Variants in HCN1 observed in about 807,000 individuals in gnomAD.
The protein encoded by HCN1 is hyperpolarization activated cyclic nucleotide gated potassium channel 1.
Under a neutral mutation model 78.9 loss-of-function variants are expected in HCN1, and 13 were observed. The ratio of observed to expected loss-of-function variants is 0.16; its 90% CI spans 0.11 to 0.26. The LOEUF is 0.26. Among genes scored for constraint, HCN1 ranks in the 10% least tolerant of loss-of-function variants. The probability of loss-of-function intolerance (pLI) is 1.00; values close to 1 mark genes in which losing one functional copy is unlikely to be tolerated. For synonymous variants in HCN1, 552 were observed against 455.5 expected (o/e 1.21, Z -2.70); for missense variants, 810 against 1,154.3 (o/e 0.70, Z 4.32).
chr5:45,373,270 ATATATTT>A lies in HCN1; in HGVS notation c.1231-20031_1231-20025del, dbSNP rs554131891. On this transcript the variant is annotated intron_variant, in intron 4 of 7. Coordinates refer to ENST00000303230, the MANE Select transcript of HCN1 (RefSeq NM_021072.4). ...ATATATATTTTATATTATATATTAT[ATATATTT>A]TATATTATATATTATATATATTTTA... 9.2e-3 allele frequency among the ~76,000 whole-genome samples: 1,068 copies of A among 116,254 alleles called. 17 individuals carry two copies. The highest frequency in any genetic ancestry group is 0.035 in the African/African-American group (1,016 of 29,444). The allele number at this position is 116,254 out of a possible 152,430, so 76.3% of individuals were successfully genotyped here.
intron 2 of HCN1, among the ~76,000 whole-genome samples, chr5:45,489,390 A>G (rs561208184): frequency 9.2e-5 from 14 of 152,150 alleles, no homozygotes; most frequent in Non-Finnish European, 1.9e-4. Flanking sequence ...GAATCCCTGA[A>G]GCAATTTAAC....
Position 45,461,930 on chromosome 5 carries a change from G to A in HCN1, c.927C>T (p.Cys309=). ...AGAACTGAAGACAACCATCCCAGTG[G>A]CACAGGAGCAGCATCATGCCGATGA... ...FNLIGMMLLL[C]HWDGCLQFLV... The change falls in exon 3 of 8, where the codon TGC becomes TGT. Residue 309 remains cysteine (C), a synonymous_variant. Coordinates refer to ENST00000303230, the MANE Select transcript of HCN1 (RefSeq NM_021072.4). 6.2e-7 allele frequency: 1 copy of A among 1,613,232 alleles called. No homozygotes were observed. Among genetic ancestry groups the A allele is most frequent in the Non-Finnish European group, 8.5e-7 (1 of 1,179,436 alleles).
intron 3 of HCN1, among the ~76,000 whole-genome samples, chr5:45,397,887 TAAC>T (rs1037573876): frequency 5.9e-5 from 9 of 151,826 alleles, no homozygotes; most frequent in East Asian, 1.9e-4. Flanking sequence ...TTTATACAAT[TAAC>T]AACTTTATTT....
chr5:45,376,489 C>T (rs1747680158), intron 4 of HCN1, among the ~76,000 whole-genome samples: 1 of 150,188 alleles, frequency 6.7e-6, no homozygotes, highest in South Asian at 2.1e-4. Context: ...TGATCTTGGA[C>T]TTGTCAGCCT....
intron 5 of HCN1, among the ~76,000 whole-genome samples, chr5:45,332,457 C>A (rs1410045791): frequency 6.7e-6 from 1 of 149,906 alleles, no homozygotes; most frequent in African/African-American, 2.4e-5. Flanking sequence ...TTTTTCGTAC[C>A]CATTAACCAT....
At chr5:45,264,931 C>T (rs1744827534) in intron 7 of HCN1, among the ~76,000 whole-genome samples, 1 of 152,150 alleles carries the variant, frequency 6.6e-6, no homozygotes, top group Admixed American at 6.5e-5. Context: ...TGGCTCATGC[C>T]TGTAATTCCA....
chr5:45,340,361 G>T (rs1053572320), intron 5 of HCN1, among the ~76,000 whole-genome samples: 1 of 152,158 alleles, frequency 6.6e-6, no homozygotes, highest in Non-Finnish European at 1.5e-5. Context: ...ATTCTCAGTT[G>T]TGCTGTTGTC....
chr5:45,468,145 C>T (rs1056524443), intron 2 of HCN1, among the ~76,000 whole-genome samples: 1 of 152,106 alleles, frequency 6.6e-6, no homozygotes, highest in Non-Finnish European at 1.5e-5. Flanking sequence ...GACTTTATTT[C>T]CCAAATGGTG....
chr5:45,295,219 T>C (rs1449331100), intron 6 of HCN1, among the ~76,000 whole-genome samples: 2 of 152,020 alleles, frequency 1.3e-5, no homozygotes, highest in Non-Finnish European at 2.9e-5. Context: ...GTAATCCACA[T>C]GCCTGGATTC....
chr5:45,581,332 C>G (rs770256599), intron 2 of HCN1, among the ~76,000 whole-genome samples: 1 of 151,952 alleles, frequency 6.6e-6, no homozygotes, highest in Non-Finnish European at 1.5e-5. Flanking sequence ...TGAGAAGTGT[C>G]TGTTTGTATC....
chr5:45,271,766 T>G (rs1744966268), intron 6 of HCN1, among the ~76,000 whole-genome samples: 1 of 152,104 alleles, frequency 6.6e-6, no homozygotes, highest in South Asian at 2.1e-4. Flanking sequence ...CCTACAAAAA[T>G]TCCCTTTGTA....
intron 5 of HCN1, among the ~76,000 whole-genome samples, chr5:45,327,639 T>C (rs1202975201): frequency 6.6e-6 from 1 of 151,650 alleles, no homozygotes; most frequent in Non-Finnish European, 1.5e-5. Flanking sequence ...AATTTATATG[T>C]TGAAGCAACT....
intron 1 of HCN1, among the ~76,000 whole-genome samples, chr5:45,687,057 G>A (rs1739823022): frequency 6.6e-6 from 1 of 152,130 alleles, no homozygotes; most frequent in African/African-American, 2.4e-5. Flanking sequence ...GGCAAGGTAT[G>A]GATTTCTTAT....
chr5:45,380,530 TG>T (rs926802153), intron 4 of HCN1, among the ~76,000 whole-genome samples: 67 of 152,262 alleles, frequency 4.4e-4, no homozygotes, highest in African/African-American at 1.6e-3. Flanking sequence ...TGCAGAGTTC[TG>T]GGTTACTAAA....
intron 3 of HCN1, among the ~76,000 whole-genome samples, chr5:45,424,869 T>G (rs1250005976): frequency 6.6e-6 from 1 of 152,190 alleles, no homozygotes; most frequent in African/African-American, 2.4e-5. Context: ...TGTATATACA[T>G]GCATATACAT....
At chr5:45,416,645 T>C (rs1416941228) in intron 3 of HCN1, among the ~76,000 whole-genome samples, 3 of 151,966 alleles carry the variant, frequency 2.0e-5, no homozygotes, top group Admixed American at 2.0e-4. Flanking sequence ...GTACTATATA[T>C]ATGCTATTAT....
At chr5:45,487,426 G>A (rs1402305399) in intron 2 of HCN1, among the ~76,000 whole-genome samples, 1 of 152,020 alleles carries the variant, frequency 6.6e-6, no homozygotes, top group Non-Finnish European at 1.5e-5. Context: ...AAGGTTAGTA[G>A]GATGATGGAA....
chr5:45,319,387 G>A (rs896304989), intron 5 of HCN1, among the ~76,000 whole-genome samples: 1 of 151,934 alleles, frequency 6.6e-6, no homozygotes, highest in East Asian at 1.9e-4. Context: ...TGGGTAAGTC[G>A]ACATATCTGA....
At chr5:45,484,062 G>C (rs991358365) in intron 2 of HCN1, among the ~76,000 whole-genome samples, 2 of 152,088 alleles carry the variant, frequency 1.3e-5, no homozygotes, top group African/African-American at 4.8e-5. Context: ...GATGCCTCTG[G>C]CTTTGTTCTT....
Sources: gnomAD v4.1 joint callset for allele counts (sites outside exome capture counted in the v4.1 genomes callset) on GRCh38, gnomAD v4.1.1 for gene constraint, MANE v1.5 for transcripts, NCBI Gene and HGNC (gene_info 2026-07-23, HGNC 2026-07-21) for gene names.